Variants in CDC34 observed in about 807,000 individuals in gnomAD.
CDC34 encodes the protein ubiquitin-conjugating enzyme E2 R1.
In CDC34, 18 loss-of-function variants were observed where a neutral mutation model predicts 26.8. The observed-to-expected ratio is 0.67, with a 90% CI of 0.47 to 1.00. The LOEUF is 1.00. Among genes scored for constraint, CDC34 ranks in the 50% least tolerant of loss-of-function variants. The pLI, the probability that CDC34 is intolerant of heterozygous loss-of-function variation, is 0.00. For synonymous variants in CDC34, 178 were observed against 147.5 expected (o/e 1.21, Z -1.50); for missense variants, 280 against 334.5 (o/e 0.84, Z 1.27).
chr19:536,971 G>T, intron 3 of CDC34, 42 bp from the exon 4 acceptor site: 4 of 1,612,024 alleles, frequency 2.5e-6, no homozygotes, highest in Non-Finnish European at 3.4e-6. Flanking sequence ...CGGAAGGCTG[G>T]GGTGCCCCGG....
chr19:541,313 C>A, intron 4 of CDC34, 26 bp from the exon 5 acceptor site: 1 of 1,513,708 alleles, frequency 6.6e-7, no homozygotes, highest in Non-Finnish European at 8.8e-7. Context: ...ACGTGGGTGG[C>A]GCCCTCACCC....
chr19:532,477 C>T (rs558566019), intron 1 of CDC34, among the ~76,000 whole-genome samples: 3 of 152,332 alleles, frequency 2.0e-5, no homozygotes, highest in Middle Eastern at 3.4e-3. Context: ...GGCTGCCTCC[C>T]CCTCCGCCCC....
chr19:541,498 G>A lies in CDC34; in HGVS notation c.657G>A (p.Glu219=), dbSNP rs1980014995. 2 of 1,610,542 alleles carry A rather than the reference G, an allele frequency of 1.2e-6. No homozygotes were observed. Among genetic ancestry groups the A allele is most frequent in the Non-Finnish European group, 1.7e-6 (2 of 1,178,348 alleles). The stretch of plus-strand genomic sequence containing the variant: ...ACGAGGACGGCGAGGTGGAGGAGGA[G>A]GCCGACAGCTGCTTCGGGGACGATG... ...DYYEDGEVEE[E]ADSCFGDDED... is the part of the protein sequence containing the mutation. The change falls in exon 5 of 5, where the codon GAG becomes GAA. Residue 219 remains glutamate (E), a synonymous_variant. Transcript: ENST00000215574.
At chr19:536,660 C>T (rs988095574) in intron 3 of CDC34, 2 of 537,806 alleles carry the variant, frequency 3.7e-6, no homozygotes, top group Admixed American at 3.3e-5. Flanking sequence ...GGGTTGGTCA[C>T]CTCGTGCCAC....
intron 4 of CDC34, chr19:538,994 C>T (rs2288953): frequency 0.43 from 426,556 of 984,668 alleles, 96,619 homozygotes; most frequent in East Asian, 0.57. Context: ...TCCTTGAGAT[C>T]CCAGCACAGA....
Position 535,934 on chromosome 19 carries a change from C to G in CDC34, c.264+11C>G, listed in dbSNP as rs1979716806. 3.7e-6 allele frequency: 6 copies of G among 1,609,394 alleles called. No homozygotes were observed. Among genetic ancestry groups the G allele is most frequent in the Non-Finnish European group, 3.4e-6 (4 of 1,176,486 alleles). On this transcript the variant is annotated intron_variant, in intron 2 of 4. Transcript: ENST00000215574. ...CCTAACATCTACGAGGTGAGCGCGG[C>G]CCCCACGGGCCTCAAGTCCTCATCC... is the stretch of plus-strand genomic sequence containing the variant.
At chr19:533,317 G>C (rs1029753848) in intron 1 of CDC34, among the ~76,000 whole-genome samples, 1 of 152,202 alleles carries the variant, frequency 6.6e-6, no homozygotes, top group Non-Finnish European at 1.5e-5. Context: ...AGCTGCGGGC[G>C]TGGGGCCGAG....
intron 4 of CDC34, among the ~76,000 whole-genome samples, chr19:539,347 A>AC (rs1219503050): frequency 2.2e-4 from 27 of 121,620 alleles, no homozygotes; most frequent in African/African-American, 8.0e-4. Context: ...GGGCACCGTC[A>AC]CCCCCCCAGC....
intron 4 of CDC34, chr19:538,978 A>G (rs1979890140): frequency 1.0e-6 from 1 of 985,114 alleles, no homozygotes; most frequent in Non-Finnish European, 1.2e-6. Context: ...TCCCTGAGGC[A>G]CCACCTCCTT....
chr19:541,223 C>T (rs964486828), intron 4 of CDC34, 116 bp from the exon 5 acceptor site: 14 of 1,333,304 alleles, frequency 1.1e-5, no homozygotes, highest in South Asian at 1.5e-5. Flanking sequence ...GGTCGCCACA[C>T]GCCGTTTTAA....
chr19:533,254 A>T (rs1600419260), intron 1 of CDC34, among the ~76,000 whole-genome samples: 1 of 152,144 alleles, frequency 6.6e-6, no homozygotes, highest in African/African-American at 2.4e-5. Flanking sequence ...ACTTCCTGCC[A>T]AGAGCCTGGA....
rs752271966 is a variant in CDC34 at position 541,366 on chromosome 19, C to T, written c.525C>T (p.Asp175=). The stretch of plus-strand genomic sequence containing the variant: ...AGCAGGTCCTGGGGACCAAGGTGGA[C>T]GCGGAGCGTGACGGCGTGAAGGTGC... ...IRKQVLGTKV[D]AERDGVKVPT... Residue 175 remains aspartate, a synonymous_variant, in exon 5 of 5, where the codon GAC becomes GAT. Coordinates refer to ENST00000215574, the MANE Select transcript of CDC34 (RefSeq NM_004359.2). 52 of 1,598,630 alleles carry T rather than the reference C, an allele frequency of 3.3e-5. No individual in the cohort carries two copies. The highest frequency in any genetic ancestry group is 5.2e-5 in the Admixed American group (3 of 58,086).
At chr19:534,052 C>A (rs936279707) in intron 1 of CDC34, among the ~76,000 whole-genome samples, 1 of 152,168 alleles carries the variant, frequency 6.6e-6, no homozygotes, top group Admixed American at 6.5e-5. Context: ...TGGGTTTGCT[C>A]CGGGGAAAAG....
At chr19:538,491 T>TAATGGTTCC (rs998654788) in intron 4 of CDC34, among the ~76,000 whole-genome samples, 1 of 152,054 alleles carries the variant, frequency 6.6e-6, no homozygotes, top group Admixed American at 6.6e-5. Flanking sequence ...TTGACGGCCT[T>TAATGGTTCC]AATGGTTCCT....
intron 4 of CDC34, chr19:538,572 C>T (rs1343879669): frequency 2.3e-5 from 8 of 344,092 alleles, no homozygotes; most frequent in Non-Finnish European, 2.9e-5. Flanking sequence ...GCATAGATTT[C>T]CTCACAGAGG....
chr19:536,280 T>A lies in CDC34; in HGVS notation c.302T>A (p.Val101Glu). ...DVCISILHPPVDDPQSGELPS... is the reference protein window; with the variant it reads ...DVCISILHPPEDDPQSGELPS... The stretch of plus-strand genomic sequence containing the variant: ...TGTATCTCCATCCTCCACCCGCCGG[T>A]GGACGACCCCCAGAGCGGGGAGCTG... Residue 101 changes from valine to glutamate, a missense_variant, in exon 3 of 5, where the codon GTG becomes GAG. By Grantham distance (121) the Val-to-Glu change is moderately radical. Coordinates refer to ENST00000215574, the MANE Select transcript of CDC34 (RefSeq NM_004359.2). 6.2e-7 allele frequency: 1 copy of A among 1,612,218 alleles called. No homozygotes were observed. Among genetic ancestry groups the A allele is most frequent in the Non-Finnish European group, 8.5e-7 (1 of 1,179,620 alleles).
intron 1 of CDC34, among the ~76,000 whole-genome samples, chr19:534,328 C>T (rs1449242219): frequency 6.6e-6 from 1 of 151,792 alleles, no homozygotes; most frequent in Non-Finnish European, 1.5e-5. Context: ...CGTGCCCTCC[C>T]TGTCCAGGAG....
Position 541,467 on chromosome 19 carries a change from A to T in CDC34, c.626A>T (p.Asp209Val). ...PDEGSDLFYD[D>V]YYEDGEVEEE... ...GAGGGCTCAGACCTCTTCTACGACGACTACTACGAGGACGGCGAGGTGGAG... is the reference window on the plus strand; with the variant it reads ...GAGGGCTCAGACCTCTTCTACGACGTCTACTACGAGGACGGCGAGGTGGAG... The change falls in exon 5 of 5, where the codon GAC (aspartate) becomes GTC (valine). Residue 209 changes from aspartate (D) to valine (V), a missense_variant. Coordinates refer to ENST00000215574, the MANE Select transcript of CDC34 (RefSeq NM_004359.2). The T allele has an allele frequency of 6.2e-7, 1 of 1,612,576 alleles. No individual in the cohort carries two copies.
At chr19:533,560 G>A (rs1213837539) in intron 1 of CDC34, among the ~76,000 whole-genome samples, 1 of 152,244 alleles carries the variant, frequency 6.6e-6, no homozygotes, top group African/African-American at 2.4e-5. Context: ...AGCCCCTTCT[G>A]TCTGCTTGGG....
Sources: allele counts gnomAD v4.1 joint callset (sites outside exome capture counted in the v4.1 genomes callset), GRCh38; gene constraint gnomAD v4.1.1; transcripts MANE v1.5; gene names NCBI Gene and HGNC (gene_info 2026-07-23, HGNC 2026-07-21).